ITGA1: variants seen among roughly 807,000 people sequenced by gnomAD.
The protein encoded by ITGA1 is integrin subunit alpha 1, also known as integrin alpha-1.
Under a neutral mutation model 145.9 loss-of-function variants are expected in ITGA1, and 85 were observed. The observed-to-expected ratio is 0.58, with a 90% CI of 0.49 to 0.70. The LOEUF (loss-of-function observed/expected upper bound fraction) is 0.70, where lower values mean the gene tolerates loss of function less well. Among genes scored for constraint, ITGA1 ranks in the 30% least tolerant of loss-of-function variants. ITGA1 has a pLI of 0.00. For synonymous variants in ITGA1, 520 were observed against 495.3 expected, an observed-to-expected ratio of 1.05 and a Z score of -0.66; for missense variants, 1,351 against 1,418.7, an observed-to-expected ratio of 0.95 and a Z score of 0.77.
intron 7 of ITGA1, among the ~76,000 whole-genome samples, chr5:52,886,570 T>C (rs114336954): frequency 0.027 from 4,041 of 152,262 alleles, 203 homozygotes; most frequent in African/African-American, 0.094. Flanking sequence ...ATATGAAGTC[T>C]TTTCATTACT....
chr5:52,854,001 C>G (rs189063830), intron 2 of ITGA1, among the ~76,000 whole-genome samples: 49 of 152,264 alleles, frequency 3.2e-4, no homozygotes, highest in Admixed American at 3.0e-3. Flanking sequence ...TCTGTTGCTG[C>G]TTTGCTTCAT....
At chr5:52,922,709 A>G in intron 17 of ITGA1, 68 bp from the exon 18 acceptor site, 2 of 960,092 alleles carry the variant, frequency 2.1e-6, no homozygotes, top group East Asian at 2.4e-5. Flanking sequence ...CAGAAGAAGG[A>G]GACATAACAA....
At position 52,865,040 on chromosome 5, in the gene ITGA1, A is replaced by T; in HGVS notation, c.454A>T (p.Ser152Cys). Residue 152 changes from serine (S) to cysteine (C), a missense_variant, in exon 5 of 29, where the codon AGC (serine) becomes TGC (cysteine). Transcript: ENST00000282588. ...HYTTGICSDV[S>C]PTFQVVNSIA... is the part of the protein sequence containing the mutation. ...CACAACTGGAATCTGTTCTGACGTC[A>T]GCCCCACATTTCAAGTCGTGAATTC... The T allele has an allele frequency of 6.2e-7, 1 of 1,613,878 alleles. No individual in the cohort carries two copies. Among genetic ancestry groups the T allele is most frequent in the South Asian group, 1.1e-5 (1 of 91,054 alleles).
chr5:52,821,434 A>G (rs924062660), intron 1 of ITGA1, among the ~76,000 whole-genome samples: 2 of 152,164 alleles, frequency 1.3e-5, no homozygotes, highest in African/African-American at 4.8e-5. Context: ...CCTCCCAATG[A>G]ATGTTGCTAT....
At chr5:52,801,023 C>T (rs1185460365) in intron 1 of ITGA1, 2 of 1,614,166 alleles carry the variant, frequency 1.2e-6, no homozygotes, top group Non-Finnish European at 8.5e-7. Flanking sequence ...GTGGCCAGCC[C>T]AGGATTTGTG....
Position 52,882,022 on chromosome 5 carries a change from G to T in ITGA1, c.773+1G>T. 6.3e-7 allele frequency: 1 copy of T among 1,575,442 alleles called. No homozygotes were observed. The highest frequency in any genetic ancestry group is 8.6e-7 in the Non-Finnish European group (1 of 1,161,318). On this transcript the variant is annotated splice_donor_variant, in intron 7 of 28. Coordinates refer to ENST00000282588, the MANE Select transcript of ITGA1 (RefSeq NM_181501.2). LOFTEE classifies it high-confidence loss of function. ...CAGCTCTTGGAATAGACACAGCAAG[G>T]TATATGGATAAAAAAATAAACTAAA...
At chr5:52,828,409 T>G (rs1267239548) in intron 1 of ITGA1, among the ~76,000 whole-genome samples, 2 of 152,242 alleles carry the variant, frequency 1.3e-5, no homozygotes, top group African/African-American at 4.8e-5. Flanking sequence ...TAATAATTAA[T>G]GCTGTTGAGC....
intron 1 of ITGA1, among the ~76,000 whole-genome samples, chr5:52,825,607 G>A (rs1027083443): frequency 6.6e-6 from 1 of 151,962 alleles, no homozygotes; most frequent in Non-Finnish European, 1.5e-5. Context: ...TATTGCCTGA[G>A]GCACAAAAGT....
At chr5:52,818,118 T>C (rs762502983) in intron 1 of ITGA1, among the ~76,000 whole-genome samples, 7 of 152,204 alleles carry the variant, frequency 4.6e-5, no homozygotes, top group Admixed American at 6.5e-5. Context: ...AAACTGGGCA[T>C]AATTAAGATA....
chr5:52,825,045 T>A (rs553786425), intron 1 of ITGA1: 11 of 152,244 alleles, frequency 7.2e-5, no homozygotes, highest in Non-Finnish European at 1.5e-4. Context: ...TGTGAACCAC[T>A]GTCTGTTTCA....
intron 18 of ITGA1, among the ~76,000 whole-genome samples, chr5:52,923,639 G>C (rs915162279): frequency 1.3e-5 from 2 of 152,072 alleles, no homozygotes; most frequent in African/African-American, 4.8e-5. Flanking sequence ...AAAGAATTAG[G>C]CTCTTCTAGA....
intron 23 of ITGA1, 81 bp downstream of exon 23, chr5:52,934,077 A>C (rs1750931343): frequency 1.2e-5 from 5 of 434,014 alleles, no homozygotes; most frequent in Admixed American, 4.3e-5. Context: ...ACACATAAAA[A>C]TATGTTGCTT....
chr5:52,912,077 A>ATAGCATATC (rs1750560480), intron 14 of ITGA1, among the ~76,000 whole-genome samples: 3 of 141,956 alleles, frequency 2.1e-5, no homozygotes, highest in Non-Finnish European at 1.5e-5. Flanking sequence ...CACACTATAT[A>ATAGCATATC]TAGTATATAG....
intron 1 of ITGA1, among the ~76,000 whole-genome samples, chr5:52,831,765 A>G (rs1749074535): frequency 2.1e-4 from 2 of 9,378 alleles, no homozygotes; most frequent in South Asian, 0.01. Flanking sequence ...TTCCTTTCAC[A>G]TGGGACTTTT....
intron 1 of ITGA1, among the ~76,000 whole-genome samples, chr5:52,805,203 C>T (rs2111674231): frequency 6.6e-6 from 1 of 152,210 alleles, no homozygotes; most frequent in African/African-American, 2.4e-5. Flanking sequence ...GGGAAGTGTG[C>T]TAATCACCTA....
At chr5:52,910,069 C>T in intron 13 of ITGA1, 93 bp from the exon 14 acceptor site, 1 of 1,186,176 alleles carries the variant, frequency 8.4e-7, no homozygotes, top group Non-Finnish European at 1.2e-6. Flanking sequence ...GTACAAATGG[C>T]TGTTAATAGC....
intron 6 of ITGA1, among the ~76,000 whole-genome samples, chr5:52,875,665 A>G (rs1376569419): frequency 6.6e-6 from 1 of 152,132 alleles, no homozygotes; most frequent in East Asian, 1.9e-4. Context: ...TACTGATACC[A>G]CAAACTGCTC....
rs1376995803 is a variant in ITGA1 at position 52,888,925 on chromosome 5, T to C, written c.924+960T>C. Among the ~76,000 whole-genome samples the C allele has an allele frequency of 2.0e-5, 3 of 151,992 alleles. No homozygotes were observed. The East Asian group carries it at 5.8e-4, about 29-fold the overall frequency. ...TTTCCTCTGGGATGGTCACTGATAC[T>C]CCCCAGGGAAAAGGATGAGGGCTTT... On this transcript the variant is annotated intron_variant, in intron 8 of 28. Transcript: ENST00000282588.
At chr5:52,861,984 G>A (rs753839430) in intron 3 of ITGA1, among the ~76,000 whole-genome samples, 108 of 151,776 alleles carry the variant, frequency 7.1e-4, no homozygotes, top group Non-Finnish European at 1.5e-3. Context: ...TTGGGAGGCC[G>A]AGGCAGGCGG....
Sources: gnomAD v4.1 joint callset for allele counts (sites outside exome capture counted in the v4.1 genomes callset) on GRCh38, gnomAD v4.1.1 for gene constraint, MANE v1.5 for transcripts, NCBI Gene and HGNC (gene_info 2026-07-23, HGNC 2026-07-21) for gene names.